POLR2D: variants seen among roughly 807,000 people sequenced by gnomAD.
The protein encoded by POLR2D is RNA polymerase II subunit D.
Under a neutral mutation model 17.6 loss-of-function variants are expected in POLR2D, and 10 were observed. That is an observed-to-expected ratio of 0.57 (90% CI 0.35 to 0.96). The LOEUF is 0.96. Among genes scored for constraint, POLR2D ranks in the 40% least tolerant of loss-of-function variants. POLR2D has a pLI of 0.02. For synonymous variants in POLR2D, 52 were observed against 60.2 expected (o/e 0.86, Z 0.63); for missense variants, 126 against 176.4 (o/e 0.71, Z 1.62).
At chr2:127,851,554 AAC>A (rs1690253619) in intron 2 of POLR2D, among the ~76,000 whole-genome samples, 1 of 152,232 alleles carries the variant, frequency 6.6e-6, no homozygotes, top group Non-Finnish European at 1.5e-5. Flanking sequence ...CAGCCTGGGC[AAC>A]ACAGTGAGAC....
intron 2 of POLR2D, among the ~76,000 whole-genome samples, chr2:127,851,077 T>C (rs1558981732): frequency 6.6e-6 from 1 of 151,942 alleles, no homozygotes; most frequent in Non-Finnish European, 1.5e-5. Flanking sequence ...AAAAATTAGC[T>C]GGGTGCAGTG....
At chr2:127,854,046 T>C (rs1690290499) in intron 1 of POLR2D, among the ~76,000 whole-genome samples, 1 of 152,220 alleles carries the variant, frequency 6.6e-6, no homozygotes. Context: ...GCTAGTATTA[T>C]ACTCTCAATT....
chr2:127,849,728 T>G (rs925727195), intron 3 of POLR2D, among the ~76,000 whole-genome samples: 5 of 152,110 alleles, frequency 3.3e-5, no homozygotes, highest in Admixed American at 6.6e-5. Flanking sequence ...GGCCAAGAGA[T>G]TATCAAATTT....
intron 1 of POLR2D, among the ~76,000 whole-genome samples, chr2:127,855,802 TACACACAC>T (rs3836128): frequency 1.3e-5 from 2 of 151,192 alleles, no homozygotes; most frequent in African/African-American, 2.4e-5. Flanking sequence ...CGCGCGCACA[TACACACAC>T]ACACACACAC....
chr2:127,848,734 T>C (rs1370567883), intron 3 of POLR2D, among the ~76,000 whole-genome samples: 4 of 152,216 alleles, frequency 2.6e-5, no homozygotes, highest in African/African-American at 9.6e-5. Context: ...TCCAGGACGG[T>C]CTCGATCTCC....
At chr2:127,857,958 C>T (rs1432880598) in intron 1 of POLR2D, 70 bp downstream of exon 1, 6 of 1,540,496 alleles carry the variant, frequency 3.9e-6, no homozygotes, top group Non-Finnish European at 5.2e-6. Flanking sequence ...TTGGGCGAAG[C>T]GCGCATAACG....
intron 1 of POLR2D, among the ~76,000 whole-genome samples, chr2:127,855,122 C>T (rs970057671): frequency 1.1e-4 from 16 of 152,006 alleles, no homozygotes; most frequent in Admixed American, 8.5e-4. Flanking sequence ...CCAGGCTAAG[C>T]GCAGTGGCTC....
At chr2:127,856,302 A>AAAAAAAAAAAAAAAAAAAAAAG (rs1690327714) in intron 1 of POLR2D, among the ~76,000 whole-genome samples, 1 of 143,556 alleles carries the variant, frequency 7.0e-6, no homozygotes, top group Non-Finnish European at 1.5e-5. Flanking sequence ...AAAAAAAAAA[A>AAAAAAAAAAAAAAAAAAAAAAG]AAAAAAAGGC....
intron 3 of POLR2D, 132 bp downstream of exon 3, chr2:127,850,458 A>AAAAAAAAAAAC (rs1414480916): frequency 2.7e-6 from 1 of 376,070 alleles, no homozygotes; most frequent in African/African-American, 2.2e-5. Context: ...AAAAAAAAAA[A>AAAAAAAAAAAC]AAAAAAGGCA....
intron 3 of POLR2D, among the ~76,000 whole-genome samples, chr2:127,850,348 GA>G (rs1690230564): frequency 6.8e-6 from 1 of 146,622 alleles, no homozygotes; most frequent in African/African-American, 2.5e-5. Flanking sequence ...GCTGAGGCAG[GA>G]GAATCGCTTG....
chr2:127,857,737 T>G, intron 1 of POLR2D: 1 of 1,074,214 alleles, frequency 9.3e-7, no homozygotes, highest in Non-Finnish European at 1.2e-6. Context: ...AGTGCAACAG[T>G]ATATTACTGT....
chr2:127,853,910 C>T (rs116437013), intron 1 of POLR2D, among the ~76,000 whole-genome samples: 16 of 152,330 alleles, frequency 1.1e-4, no homozygotes, highest in Non-Finnish European at 1.3e-4. Flanking sequence ...TAGATTCTGA[C>T]ACCAAAAACC....
intron 2 of POLR2D, among the ~76,000 whole-genome samples, chr2:127,851,109 G>A (rs1030288702): frequency 8.5e-5 from 13 of 152,050 alleles, no homozygotes; most frequent in Admixed American, 3.3e-4. Context: ...CCAGCTACTC[G>A]GGAGGCTGAG....
At chr2:127,857,892 C>T (rs1690365255) in intron 1 of POLR2D, 136 bp downstream of exon 1, 1 of 1,370,850 alleles carries the variant, frequency 7.3e-7, no homozygotes, top group African/African-American at 1.5e-5. Context: ...GGCCATGTTC[C>T]CTCCCCAGCC....
At chr2:127,848,835 T>C (rs1690197995) in intron 3 of POLR2D, among the ~76,000 whole-genome samples, 1 of 151,564 alleles carries the variant, frequency 6.6e-6, no homozygotes, top group Admixed American at 6.6e-5. Context: ...CTAATTTTTA[T>C]ATTTTTAGTA....
rs1301609276 is a variant in POLR2D, at chr2:127,844,543, G to C, written c.*3564C>G. The C allele has an allele frequency of 1.3e-5, 2 of 152,214 alleles. No individual in the cohort carries two copies. The highest frequency in any genetic ancestry group is 4.8e-5 in the African/African-American group (2 of 41,464). 9.4% of individuals were successfully genotyped at this position (152,214 alleles called of 1,614,324 possible). A position where few individuals can be genotyped will look rare whatever the true frequency, so the allele number is the denominator to read the frequency against. Reference sequence around the variant, plus strand: ...AGCTATTTTTCAATAGCAATATGCTGTCCAGCCCTGTAAACAATTTTTGAC... The same window carrying C: ...AGCTATTTTTCAATAGCAATATGCTCTCCAGCCCTGTAAACAATTTTTGAC... On this transcript the variant is annotated 3_prime_UTR_variant, in exon 4 of 4. Coordinates refer to ENST00000272645, the MANE Select transcript of POLR2D (RefSeq NM_004805.4).
rs1690112842 is a variant in POLR2D at position 127,844,128 on chromosome 2, C to CAAAAAAAAAAAAAA, written c.*3978_*3979insTTTTTTTTTTTTTT. The CAAAAAAAAAAAAAA allele has an allele frequency of 1.5e-5, 1 of 67,652 alleles. No individual in the cohort carries two copies. Among genetic ancestry groups the CAAAAAAAAAAAAAA allele is most frequent in the Admixed American group, 1.2e-4 (1 of 8,236 alleles). The allele number at this position is 67,652 out of a possible 1,614,324, so 4.2% of individuals were successfully genotyped here. On this transcript the variant is annotated 3_prime_UTR_variant, in exon 4 of 4. Coordinates refer to ENST00000272645, the MANE Select transcript of POLR2D (RefSeq NM_004805.4). ...TATCCAAAAAAAAAAAAAAAAAAAG[C>CAAAAAAAAAAAAAA]CTGGTCCTTCCATCCCTTCTACCAT...
chr2:127,848,868 G>A (rs1690198314), intron 3 of POLR2D, among the ~76,000 whole-genome samples: 1 of 151,302 alleles, frequency 6.6e-6, no homozygotes, highest in Admixed American at 6.6e-5. Context: ...CACCACTGGC[G>A]AGGCTGGTCT....
chr2:127,844,421 T>C lies in POLR2D; in HGVS notation c.*3686A>G, dbSNP rs1445329448. The C allele has an allele frequency of 6.6e-6, 1 of 152,246 alleles. No homozygotes were observed. Among genetic ancestry groups the C allele is most frequent in the Non-Finnish European group, 1.5e-5 (1 of 68,052 alleles). 9.4% of individuals were successfully genotyped at this position (152,246 alleles called of 1,614,324 possible). On this transcript the variant is annotated 3_prime_UTR_variant, in exon 4 of 4. Transcript: ENST00000272645. Reference sequence around the variant, plus strand: ...GGTGAAGTGAGGGTTTGACAACCTATCTTTTTGTTGTATCAGTATGTTCCC... The same window carrying C: ...GGTGAAGTGAGGGTTTGACAACCTACCTTTTTGTTGTATCAGTATGTTCCC...
Sources: gnomAD v4.1 joint callset for allele counts (sites outside exome capture counted in the v4.1 genomes callset) on GRCh38, gnomAD v4.1.1 for gene constraint, MANE v1.5 for transcripts, NCBI Gene and HGNC (gene_info 2026-07-23, HGNC 2026-07-21) for gene names.